The following CP variants were observed in gnomAD, a reference collection of about 807,000 sequenced individuals.
CP encodes the protein caeruloplasmin.
CP carries 64 observed loss-of-function variants against 122.4 expected under a neutral mutation model. The observed-to-expected ratio is 0.52, with a 90% CI of 0.43 to 0.64. CP has a LOEUF of 0.64. Ranked by LOEUF, CP falls within the 30% of genes least tolerant of loss-of-function variation. The probability of loss-of-function intolerance (pLI) is 0.00; values close to 1 mark genes in which losing one functional copy is unlikely to be tolerated. For synonymous variants in CP, 440 were observed against 436.4 expected (o/e 1.01, Z -0.10); for missense variants, 1,167 against 1,284.4 (o/e 0.91, Z 1.40).
downstream of CP, among the ~76,000 whole-genome samples, chr3:149,169,982 G>A (rs562670381): frequency 1.4e-4 from 21 of 152,242 alleles, no homozygotes; most frequent in African/African-American, 4.8e-4. Context: ...GGTGAGTGGA[G>A]TAGAGCAAGT....
intron 3 of CP, 35 bp from the exon 4 acceptor site, chr3:149,209,419 CT>C (rs755672457): frequency 6.3e-7 from 1 of 1,579,846 alleles, no homozygotes; most frequent in Non-Finnish European, 8.7e-7. Flanking sequence ...CAAGACTAAA[CT>C]TTTAGCATGT....
chr3:149,162,550 T>A, exon 6 of CP: 1 of 1,048,790 alleles, frequency 9.5e-7, no homozygotes, highest in Non-Finnish European at 1.5e-6. Flanking sequence ...AATGTCTAAA[T>A]TTGCTTTTGC....
In CP at chr3:149,199,828, C is replaced by G; in HGVS notation, c.1385G>C (p.Arg462Thr). ...TGCTCCTTTGTTATGGAAGGTTACT[C>G]TGATGGTGTCTCCCACCTCTGCCCA... ...VIWAEVGDTIRVTFHNKGAYP... is the reference protein window; with the variant it reads ...VIWAEVGDTITVTFHNKGAYP... The change falls in exon 8 of 19, where the codon AGA becomes ACA. Residue 462 changes from arginine to threonine, a missense_variant. Arg to Thr is a moderately conservative substitution (Grantham distance 71). Transcript: ENST00000264613. The G allele has an allele frequency of 6.2e-7, 1 of 1,614,128 alleles. No homozygotes were observed. The highest frequency in any genetic ancestry group is 1.1e-5 in the South Asian group (1 of 91,080).
At chr3:149,181,975 CA>C in intron 14 of CP, 29 bp downstream of exon 14, 1 of 1,088,426 alleles carries the variant, frequency 9.2e-7, no homozygotes, top group Non-Finnish European at 1.4e-6. Context: ...TGTTAAAATG[CA>C]CCACCCCCAC....
intron 8 of CP, among the ~76,000 whole-genome samples, 181 bp from the exon 9 acceptor site, chr3:149,198,759 A>G (rs907529465): frequency 6.6e-6 from 1 of 152,036 alleles, no homozygotes; most frequent in African/African-American, 2.4e-5. Context: ...ATCCAGATAG[A>G]CTCTTCTAAA....
chr3:149,209,908 A>G (rs1727994158), intron 3 of CP, among the ~76,000 whole-genome samples: 1 of 152,190 alleles, frequency 6.6e-6, no homozygotes, highest in African/African-American at 2.4e-5. Flanking sequence ...GTTGGAAGTT[A>G]GATACAGCAA....
intron 9 of CP, among the ~76,000 whole-genome samples, chr3:149,189,191 CAA>C (rs1194589201): frequency 6.6e-6 from 1 of 152,092 alleles, no homozygotes; most frequent in Non-Finnish European, 1.5e-5. Context: ...TTCCTGAAAA[CAA>C]GACAAAATTA....
At chr3:149,206,422 G>A in intron 5 of CP, 83 bp from the exon 6 acceptor site, 1 of 1,492,956 alleles carries the variant, frequency 6.7e-7, no homozygotes, top group Non-Finnish European at 9.3e-7. Flanking sequence ...CTCGGGTGAT[G>A]ACAAGTAGAA....
Position 149,209,172 on chromosome 3 carries a change from GA to G in CP, c.781+38del, listed in dbSNP as rs760232187. 8.1e-6 allele frequency: 13 copies of G among 1,610,980 alleles called. 1 individual carries two copies. The highest frequency in any genetic ancestry group is 6.7e-5 in the Admixed American group (4 of 59,912). ...GCTTAGCAGAATTAATGGATCAAGG[GA>G]AAAAAAAGTAAAGTTAACATGTCTG... On this transcript the variant is annotated intron_variant, in intron 4 of 18. Transcript: ENST00000264613.
chr3:149,208,971 A>G (rs1224117425), intron 4 of CP, among the ~76,000 whole-genome samples: 1 of 152,196 alleles, frequency 6.6e-6, no homozygotes, highest in East Asian at 1.9e-4. Context: ...TATGCATTAA[A>G]CCATAATTGA....
intron 10 of CP, among the ~76,000 whole-genome samples, chr3:149,187,078 A>G (rs1479049691): frequency 6.6e-6 from 1 of 152,236 alleles, no homozygotes; most frequent in Non-Finnish European, 1.5e-5. Context: ...GAATTATAAC[A>G]GCTTTTCCTG....
At chr3:149,206,777 C>T (rs1469235104) in intron 5 of CP, among the ~76,000 whole-genome samples, 1 of 152,152 alleles carries the variant, frequency 6.6e-6, no homozygotes, top group East Asian at 1.9e-4. Flanking sequence ...TGTGCATCTG[C>T]TGTGCTGGGC....
intron 4 of CP, chr3:149,167,116 T>C: frequency 6.2e-7 from 1 of 1,613,606 alleles, no homozygotes; most frequent in Non-Finnish European, 8.5e-7. Context: ...ATTGCCGGCC[T>C]CAGTGTCCAT....
chr3:149,194,311 T>C (rs1726748269), intron 9 of CP, among the ~76,000 whole-genome samples: 1 of 151,908 alleles, frequency 6.6e-6, no homozygotes, highest in Non-Finnish European at 1.5e-5. Flanking sequence ...CAATCTCTGC[T>C]CACACCAACC....
chr3:149,199,965 A>C, intron 7 of CP, 101 bp from the exon 8 acceptor site: 1 of 1,204,868 alleles, frequency 8.3e-7, no homozygotes. Flanking sequence ...AAGAACTACT[A>C]GGAGCAACAC....
intron 11 of CP, 83 bp from the exon 12 acceptor site, chr3:149,185,529 G>C: frequency 7.7e-7 from 1 of 1,305,242 alleles, no homozygotes; most frequent in South Asian, 1.2e-5. Context: ...TAATGCTGAA[G>C]TCCTTATCAT....
rs200174896 is a variant in CP, at chr3:149,195,649, G to C, written c.1713+2718C>G. 2.5e-4 allele frequency among the ~76,000 whole-genome samples: 38 copies of C among 152,312 alleles called. No homozygotes were observed. In the East Asian group the frequency reaches 5.0e-3, roughly 20 times the overall value. ...ATAGGCAGAGGCAGGCGGATCACGA[G>C]GTTAGGAGATCAAGACCATCCTGGC... On this transcript the variant is annotated intron_variant, in intron 9 of 18. Transcript: ENST00000264613.
At chr3:149,185,130 T>G in intron 12 of CP, 109 bp downstream of exon 12, 2 of 897,006 alleles carry the variant, frequency 2.2e-6, no homozygotes, top group Non-Finnish European at 3.6e-6. Context: ...TTGTTGTTAT[T>G]GTTTAATGCA....
At chr3:149,185,507 C>A in intron 11 of CP, 61 bp from the exon 12 acceptor site, 1 of 1,500,870 alleles carries the variant, frequency 6.7e-7, no homozygotes, top group East Asian at 2.3e-5. Flanking sequence ...GGCTCTCCAC[C>A]TTCCTCAGAA....
Sources: allele counts gnomAD v4.1 joint callset (sites outside exome capture counted in the v4.1 genomes callset), GRCh38; gene constraint gnomAD v4.1.1; transcripts MANE v1.5; gene names NCBI Gene and HGNC (gene_info 2026-07-23, HGNC 2026-07-21).